Variants in PCDHGB1 observed in about 807,000 individuals in gnomAD.
The protein encoded by PCDHGB1 is protocadherin gamma-B1.
In PCDHGB1, 34 loss-of-function variants were observed where a neutral mutation model predicts 56.6. That is an observed-to-expected ratio of 0.60 (90% confidence interval 0.46 to 0.80). PCDHGB1 has a LOEUF of 0.80. Among genes scored for constraint, PCDHGB1 ranks in the 30% least tolerant of loss-of-function variants. The probability of loss-of-function intolerance (pLI) is 0.00; values close to 1 mark genes in which losing one functional copy is unlikely to be tolerated. For synonymous variants in PCDHGB1, 561 were observed against 505.9 expected (o/e 1.11, Z -1.46); for missense variants, 1,278 against 1,204.6 (o/e 1.06, Z -0.90).
intron 1 of PCDHGB1, chr5:141,398,645 C>T (rs932721053): frequency 6.2e-7 from 1 of 1,613,936 alleles, no homozygotes; most frequent in African/African-American, 1.3e-5. Flanking sequence ...TATAAACTCT[C>T]TCTTAACCCA....
intron 1 of PCDHGB1, chr5:141,388,988 A>G (rs756635794): frequency 6.2e-7 from 1 of 1,614,076 alleles, no homozygotes; most frequent in Non-Finnish European, 8.5e-7. Flanking sequence ...CTTTGCTCAA[A>G]GTCCGTGACA....
At chr5:141,383,054 T>G in intron 1 of PCDHGB1, 3 of 1,613,872 alleles carry the variant, frequency 1.9e-6, no homozygotes, top group Non-Finnish European at 2.5e-6. Context: ...GCCAAGGACC[T>G]GGGGCTGGAG....
intron 1 of PCDHGB1, chr5:141,419,537 C>G (rs368875631): frequency 1.2e-6 from 2 of 1,612,040 alleles, no homozygotes; most frequent in Non-Finnish European, 1.7e-6. Flanking sequence ...CGACAACGCA[C>G]CGCGGGTGCT....
intron 1 of PCDHGB1, among the ~76,000 whole-genome samples, chr5:141,434,491 C>CCCAGGGCAGAAAACTGCTTAA (rs1300377022): frequency 1.8e-4 from 27 of 152,302 alleles, no homozygotes; most frequent in Non-Finnish European, 3.4e-4. Context: ...ACCTGGCCCG[C>CCCAGGGCAGAAAACTGCTTAA]CCAGGGCAGA....
Position 141,489,517 on chromosome 5 carries a change from G to C in PCDHGB1, c.2410-5290G>C. The C allele has an allele frequency of 6.2e-7, 1 of 1,614,136 alleles. No individual in the cohort carries two copies. Among genetic ancestry groups the C allele is most frequent in the Non-Finnish European group, 8.5e-7 (1 of 1,180,044 alleles). On this transcript the variant is annotated intron_variant, in intron 1 of 3. Transcript: ENST00000523390. The surrounding 1 kb of genome is among the most constrained non-coding windows in gnomAD (Gnocchi z 4.5). ...GGCAGTGAATCAAAAGATTGACCGA[G>C]AAAGCCTATGTGGAGCCAGCACCAG...
chr5:141,380,182 G>A (rs997433342), intron 1 of PCDHGB1, among the ~76,000 whole-genome samples: 1 of 152,142 alleles, frequency 6.6e-6, no homozygotes, highest in Non-Finnish European at 1.5e-5. Context: ...TTACAGGCAT[G>A]AGCCACTGAG....
intron 1 of PCDHGB1, chr5:141,377,304 A>G (rs1051630740): frequency 2.6e-5 from 4 of 152,154 alleles, no homozygotes; most frequent in African/African-American, 9.7e-5. Context: ...GGTCAGTGTT[A>G]AAGATCAAGA....
chr5:141,387,037 A>G (rs2090794833), intron 1 of PCDHGB1, among the ~76,000 whole-genome samples: 1 of 152,258 alleles, frequency 6.6e-6, no homozygotes, highest in Non-Finnish European at 1.5e-5. Flanking sequence ...TTTCATAACC[A>G]GTAAAATAAT....
At chr5:141,427,088 T>C in intron 1 of PCDHGB1, 1 of 458,156 alleles carries the variant, frequency 2.2e-6, no homozygotes. Flanking sequence ...CTGACCAGGA[T>C]GAGGGTGTCA....
intron 1 of PCDHGB1, chr5:141,370,265 A>T: frequency 2.6e-6 from 2 of 758,286 alleles, no homozygotes; most frequent in South Asian, 4.5e-5. Flanking sequence ...GGCTTCCTGC[A>T]GCGGAGACAC....
intron 1 of PCDHGB1, chr5:141,375,948 A>G (rs773530247): frequency 2.5e-6 from 4 of 1,613,438 alleles, no homozygotes; most frequent in Non-Finnish European, 2.5e-6. Context: ...GTGGGCCTGC[A>G]CACGGGCGAG....
chr5:141,370,315 G>C, intron 1 of PCDHGB1: 1 of 1,276,896 alleles, frequency 7.8e-7, no homozygotes, highest in South Asian at 1.6e-5. Context: ...GCAAATAGTT[G>C]GTCCTGCTCG....
At chr5:141,496,021 G>A (rs1011612662) in intron 2 of PCDHGB1, among the ~76,000 whole-genome samples, 1 of 151,336 alleles carries the variant, frequency 6.6e-6, no homozygotes, top group Admixed American at 6.6e-5. Context: ...TTTTCTCTGA[G>A]CCTCTGTCTC....
chr5:141,357,627 T>A, intron 1 of PCDHGB1: 1 of 1,613,408 alleles, frequency 6.2e-7, no homozygotes, highest in South Asian at 1.1e-5. Flanking sequence ...TTCAGGTGAG[T>A]CAATCTTATA....
At chr5:141,392,689 C>T in intron 1 of PCDHGB1, 1 of 1,115,570 alleles carries the variant, frequency 9.0e-7, no homozygotes, top group Non-Finnish European at 1.2e-6. Context: ...CAGCGAAACC[C>T]GACCCCTGTT....
intron 1 of PCDHGB1, chr5:141,421,722 G>C: frequency 6.2e-7 from 1 of 1,613,972 alleles, no homozygotes; most frequent in Non-Finnish European, 8.5e-7. Flanking sequence ...ATGTGGGCGT[G>C]AACTCCCTCC....
chr5:141,386,000 AT>A (rs1420495491), intron 1 of PCDHGB1: 3 of 152,258 alleles, frequency 2.0e-5, no homozygotes, highest in Admixed American at 6.5e-5. Flanking sequence ...ATAAAATGTC[AT>A]TTTAAGTGTT....
chr5:141,409,952 C>A (rs892751686), intron 1 of PCDHGB1: 2 of 1,613,350 alleles, frequency 1.2e-6, no homozygotes, highest in Non-Finnish European at 1.7e-6. Context: ...CTCTGCAGAG[C>A]CCGGCTACCT....
intron 2 of PCDHGB1, among the ~76,000 whole-genome samples, chr5:141,496,565 T>C (rs2099769541): frequency 6.6e-6 from 1 of 152,136 alleles, no homozygotes; most frequent in African/African-American, 2.4e-5. Context: ...CACAGTCCTG[T>C]CACCCATTTT....
Sources: allele counts gnomAD v4.1 joint callset (sites outside exome capture counted in the v4.1 genomes callset), GRCh38; gene constraint gnomAD v4.1.1; non-coding constraint Gnocchi (gnomAD v3.1); transcripts MANE v1.5; gene names NCBI Gene and HGNC (gene_info 2026-07-23, HGNC 2026-07-21).